The following SUPT3H variants were observed in gnomAD, a reference collection of about 807,000 sequenced individuals.
The protein encoded by SUPT3H is SPT3 homolog, SAGA and STAGA complex component.
SUPT3H carries 44 observed loss-of-function variants against 44.3 expected under a neutral mutation model. That is an observed-to-expected ratio of 0.99 (90% confidence interval 0.78 to 1.28). SUPT3H has a LOEUF of 1.28. SUPT3H is among the 50% of genes most tolerant of loss of function. The pLI is 0.00. For missense variants in SUPT3H, 380 were observed against 387.1 expected (o/e 0.98, Z 0.15); for synonymous variants, 124 against 125.6 (o/e 0.99, Z 0.09).
intron 10 of SUPT3H, among the ~76,000 whole-genome samples, chr6:44,912,203 C>T (rs948225744): frequency 2.0e-5 from 3 of 152,078 alleles, no homozygotes; most frequent in African/African-American, 7.2e-5. Context: ...TTTCATCATC[C>T]CGAACAGAAG....
At chr6:45,164,158 A>AGT (rs1167864863) in intron 2 of SUPT3H, among the ~76,000 whole-genome samples, 2 of 152,154 alleles carry the variant, frequency 1.3e-5, no homozygotes, top group African/African-American at 4.8e-5. Flanking sequence ...GGGGCAGTGC[A>AGT]GTGTAGTTCA....
intron 3 of SUPT3H, chr6:45,097,616 T>C (rs936110675): frequency 2.0e-4 from 31 of 152,220 alleles, no homozygotes; most frequent in African/African-American, 7.0e-4. Flanking sequence ...CAATTACAGG[T>C]GACTGTAGCT....
chr6:45,244,020 G>C (rs981743519), intron 2 of SUPT3H, among the ~76,000 whole-genome samples: 1 of 152,112 alleles, frequency 6.6e-6, no homozygotes, highest in Non-Finnish European at 1.5e-5. Context: ...TAGCTGGGAA[G>C]ACAGGCATGT....
intron 10 of SUPT3H, among the ~76,000 whole-genome samples, chr6:44,908,618 G>C (rs1276270004): frequency 6.6e-6 from 1 of 152,072 alleles, no homozygotes; most frequent in Non-Finnish European, 1.5e-5. Flanking sequence ...ACGCAATCTA[G>C]CTTCGTAAAT....
intron 5 of SUPT3H, among the ~76,000 whole-genome samples, chr6:45,005,623 C>T (rs1409309135): frequency 3.3e-5 from 5 of 151,342 alleles, no homozygotes; most frequent in South Asian, 2.1e-4. Flanking sequence ...ATCGCTTGAA[C>T]CCGGGATACA....
intron 10 of SUPT3H, among the ~76,000 whole-genome samples, chr6:44,886,893 C>T (rs115597215): frequency 0.02 from 3,091 of 152,200 alleles, 41 homozygotes; most frequent in Non-Finnish European, 0.032. Flanking sequence ...CGGAGACACA[C>T]AGAAGCTCAA....
At chr6:44,939,710 A>T (rs1772091958) in intron 9 of SUPT3H, among the ~76,000 whole-genome samples, 1 of 151,916 alleles carries the variant, frequency 6.6e-6, no homozygotes, top group South Asian at 2.1e-4. Flanking sequence ...GGAGATTTTT[A>T]AATTACTGAT....
At chr6:45,303,698 A>G (rs1295046216) in intron 2 of SUPT3H, among the ~76,000 whole-genome samples, 3 of 150,488 alleles carry the variant, frequency 2.0e-5, no homozygotes, top group African/African-American at 7.3e-5. Context: ...AAAAAGAAAC[A>G]AACAAAAAAA....
intron 2 of SUPT3H, among the ~76,000 whole-genome samples, chr6:45,119,546 A>G (rs987697992): frequency 6.6e-6 from 1 of 152,174 alleles, no homozygotes; most frequent in Non-Finnish European, 1.5e-5. Flanking sequence ...AGGCTTTAAT[A>G]TATGCTTATT....
chr6:45,255,953 C>T (rs769503643), intron 2 of SUPT3H, among the ~76,000 whole-genome samples: 2 of 152,084 alleles, frequency 1.3e-5, no homozygotes, highest in African/African-American at 2.4e-5. Flanking sequence ...GGGAAGATCA[C>T]GAGGTCAGGA....
chr6:45,212,399 T>C (rs1764238330), intron 2 of SUPT3H, among the ~76,000 whole-genome samples: 1 of 152,050 alleles, frequency 6.6e-6, no homozygotes, highest in Admixed American at 6.5e-5. Context: ...CATCATGGCT[T>C]TATTAAAAGG....
At chr6:44,823,778 A>G (rs1428630842), downstream of SUPT3H, among the ~76,000 whole-genome samples, 3 of 152,040 alleles carry the variant, frequency 2.0e-5, no homozygotes, top group East Asian at 1.9e-4. Flanking sequence ...CCTGGCCAAC[A>G]TAGTGAAACC....
intron 10 of SUPT3H, among the ~76,000 whole-genome samples, chr6:44,865,430 TGATA>T (rs143113540): frequency 0.33 from 50,743 of 151,758 alleles, 9,368 homozygotes; most frequent in Admixed American, 0.41. Context: ...TTTATGCTGC[TGATA>T]AAGACATACC....
intron 3 of SUPT3H, among the ~76,000 whole-genome samples, chr6:45,096,489 A>G (rs964325282): frequency 1.3e-5 from 2 of 152,208 alleles, no homozygotes; most frequent in Admixed American, 6.5e-5. Context: ...CAAGTGGAAA[A>G]GAGTGGAAGA....
chr6:45,156,417 T>C (rs934857619), intron 2 of SUPT3H, among the ~76,000 whole-genome samples: 2 of 152,128 alleles, frequency 1.3e-5, no homozygotes, highest in South Asian at 2.1e-4. Context: ...AAAGATACAA[T>C]GCAAACACTT....
chr6:44,936,791 C>T (rs1771504492), intron 9 of SUPT3H, among the ~76,000 whole-genome samples: 1 of 152,064 alleles, frequency 6.6e-6, no homozygotes, highest in Admixed American at 6.5e-5. Flanking sequence ...CATAAGCCAC[C>T]CAAATAGCTG....
intron 2 of SUPT3H, among the ~76,000 whole-genome samples, chr6:45,179,706 T>A (rs886623848): frequency 6.6e-6 from 1 of 151,050 alleles, no homozygotes; most frequent in African/African-American, 2.4e-5. Context: ...TCTCAATAAA[T>A]TAGGGACGTA....
chr6:45,158,298 A>ATATATATATATATATATATATAATT, intron 2 of SUPT3H, among the ~76,000 whole-genome samples: 2 of 99,682 alleles, frequency 2.0e-5, no homozygotes, highest in South Asian at 3.0e-4. Context: ...ATATATATAT[A>ATATATATATATATATATATATAATT]TTTTTTTTTT....
chr6:44,992,311 G>T (rs1780713752), intron 6 of SUPT3H, among the ~76,000 whole-genome samples: 1 of 152,190 alleles, frequency 6.6e-6, no homozygotes, highest in African/African-American at 2.4e-5. Flanking sequence ...TAATCACCAT[G>T]TGGCAGTCAA....
Sources: gnomAD v4.1 joint callset for allele counts (sites outside exome capture counted in the v4.1 genomes callset) on GRCh38, gnomAD v4.1.1 for gene constraint, MANE v1.5 for transcripts, NCBI Gene and HGNC (gene_info 2026-07-23, HGNC 2026-07-21) for gene names.